The following UBXN2B variants were observed in gnomAD, a reference collection of about 807,000 sequenced individuals.
The protein encoded by UBXN2B is UBX domain protein 2B, also known as UBX domain-containing protein 2B.
Under a neutral mutation model 37.5 loss-of-function variants are expected in UBXN2B, and 19 were observed. The observed-to-expected ratio is 0.51, with a 90% CI of 0.35 to 0.74. The LOEUF (loss-of-function observed/expected upper bound fraction) is 0.74. Ranked by LOEUF, UBXN2B falls within the 30% of genes least tolerant of loss-of-function variation. The pLI is 0.01. For synonymous variants in UBXN2B, 145 were observed against 143.8 expected, an observed-to-expected ratio of 1.01 and a Z score of -0.06; for missense variants, 370 against 393.2, an observed-to-expected ratio of 0.94 and a Z score of 0.50.
intron 1 of UBXN2B, among the ~76,000 whole-genome samples, chr8:58,415,600 T>C (rs1476237924): frequency 6.6e-6 from 1 of 152,090 alleles, no homozygotes; most frequent in Non-Finnish European, 1.5e-5. Flanking sequence ...CTTCTAGTGA[T>C]GGAACACATG....
chr8:58,447,302 T>C (rs1290120673), intron 7 of UBXN2B, 87 bp from the exon 8 acceptor site: 2 of 1,262,020 alleles, frequency 1.6e-6, no homozygotes, highest in African/African-American at 3.0e-5. Context: ...AGATTAAAAT[T>C]TTGTGATTTT....
chr8:58,447,306 T>C (rs2129604740), intron 7 of UBXN2B, 83 bp from the exon 8 acceptor site: 1 of 1,303,748 alleles, frequency 7.7e-7, no homozygotes, highest in East Asian at 2.5e-5. Context: ...TAAAATTTTG[T>C]GATTTTTATT....
intron 5 of UBXN2B, 39 bp from the exon 6 acceptor site, chr8:58,439,594 G>A: frequency 6.3e-7 from 1 of 1,580,150 alleles, no homozygotes; most frequent in East Asian, 2.2e-5. Context: ...TTAATTCTTG[G>A]AAAACTTAAT....
At chr8:58,424,691 G>T (rs932474847) in intron 2 of UBXN2B, 223 of 1,326,836 alleles carry the variant, frequency 1.7e-4, no homozygotes, top group East Asian at 8.6e-4. Flanking sequence ...ACAAGGCGGG[G>T]GGGGGGGCTC....
intron 3 of UBXN2B, among the ~76,000 whole-genome samples, chr8:58,432,371 A>ATTTT (rs1585609802): frequency 1.2e-5 from 1 of 81,530 alleles, no homozygotes; most frequent in Admixed American, 1.5e-4. Flanking sequence ...ACCTTTCTAA[A>ATTTT]TTTCTTTTTT....
At chr8:58,417,054 A>G (rs1014626857) in intron 2 of UBXN2B, 101 bp downstream of exon 2, 2 of 931,668 alleles carry the variant, frequency 2.1e-6, no homozygotes, top group African/African-American at 1.7e-5. Context: ...GGTTTCTTCA[A>G]TAATTTTTAA....
intron 2 of UBXN2B, among the ~76,000 whole-genome samples, chr8:58,428,390 GAAAT>G (rs1263725881): frequency 2.6e-5 from 4 of 152,146 alleles, no homozygotes; most frequent in Non-Finnish European, 4.4e-5. Flanking sequence ...ATACAAATTG[GAAAT>G]AAATAAAGCT....
At chr8:58,445,811 A>C (rs1808652399) in intron 6 of UBXN2B, 96 bp from the exon 7 acceptor site, 1 of 1,067,530 alleles carries the variant, frequency 9.4e-7, no homozygotes, top group Non-Finnish European at 1.3e-6. Context: ...GAAGTATAGG[A>C]GACTCAAATG....
Position 58,430,563 on chromosome 8 carries a change from G to A in UBXN2B, c.233G>A (p.Arg78Gln), listed in dbSNP as rs755100410. The A allele has an allele frequency of 2.1e-5, 33 of 1,604,336 alleles. No individual in the cohort carries two copies. Among genetic ancestry groups the A allele is most frequent in the Middle Eastern group, 1.7e-4 (1 of 6,028 alleles). Residue 78 changes from arginine to glutamine, a missense_variant, in exon 3 of 8, where the codon CGA becomes CAA. By Grantham distance (43) the Arg-to-Gln change is conservative. This residue lies in a region of UBXN2B where 197 missense variants were observed against 170.2 expected (regional missense o/e 1.16). Transcript: ENST00000399598. ...EHEYSGLNIV[R>Q]PSTGKIVNEL... ...GAATACAGTGGATTAAATATAGTTCGACCTTCAACTGGGAAAATTGTGAAT... is the reference window on the plus strand; with the variant it reads ...GAATACAGTGGATTAAATATAGTTCAACCTTCAACTGGGAAAATTGTGAAT...
chr8:58,429,975 A>T lies in UBXN2B; in HGVS notation c.189-544A>T, dbSNP rs141981219. On this transcript the variant is annotated intron_variant, in intron 2 of 7. Transcript: ENST00000399598. Reference sequence around the variant, plus strand: ...TGGTCGCCAAAAAATTACTGTCTAAATTATTTACTTTTAACAAACGCAGGG... The same window carrying T: ...TGGTCGCCAAAAAATTACTGTCTAATTTATTTACTTTTAACAAACGCAGGG... Among the ~76,000 whole-genome samples, 1,483 of 152,328 alleles carry T rather than the reference A, an allele frequency of 9.7e-3. 12 individuals are homozygous for T. Among genetic ancestry groups the T allele is most frequent in the Middle Eastern group, 0.02 (6 of 294 alleles).
intron 4 of UBXN2B, 63 bp downstream of exon 4, chr8:58,433,306 T>C: frequency 7.3e-7 from 1 of 1,364,102 alleles, no homozygotes; most frequent in East Asian, 2.3e-5. Flanking sequence ...AAACTGTTGG[T>C]TTTAAAATTA....
At chr8:58,442,645 G>C (rs918963992) in intron 6 of UBXN2B, among the ~76,000 whole-genome samples, 1 of 152,158 alleles carries the variant, frequency 6.6e-6, no homozygotes, top group Non-Finnish European at 1.5e-5. Context: ...GCAAACCATA[G>C]ATATAAAACT....
At chr8:58,417,415 C>T (rs1585594137) in intron 2 of UBXN2B, among the ~76,000 whole-genome samples, 1 of 152,250 alleles carries the variant, frequency 6.6e-6, no homozygotes, top group African/African-American at 2.4e-5. Context: ...GGTCTTTTGT[C>T]CTCCATTTAA....
chr8:58,434,585 A>T, intron 5 of UBXN2B, 81 bp downstream of exon 5: 1 of 1,083,442 alleles, frequency 9.2e-7, no homozygotes, highest in Non-Finnish European at 1.3e-6. Flanking sequence ...TTAGTGCACT[A>T]CGGGTTTTCA....
chr8:58,443,993 A>T (rs942795642), intron 6 of UBXN2B, among the ~76,000 whole-genome samples: 1 of 152,218 alleles, frequency 6.6e-6, no homozygotes, highest in Admixed American at 6.5e-5. Context: ...AAGTCCATCC[A>T]TTCCAGTTCT....
chr8:58,434,374 T>A (rs752074547), intron 4 of UBXN2B, 21 bp from the exon 5 acceptor site: 365 of 896,948 alleles, frequency 4.1e-4, no homozygotes, highest in African/African-American at 1.1e-3. Flanking sequence ...TATATATTTT[T>A]TTTTTTTCTA....
At chr8:58,438,359 G>A (rs1808466284) in intron 5 of UBXN2B, among the ~76,000 whole-genome samples, 3 of 152,172 alleles carry the variant, frequency 2.0e-5, no homozygotes, top group African/African-American at 4.8e-5. Flanking sequence ...GAATGGTGGC[G>A]CCACCAGCAA....
At chr8:58,420,561 G>A (rs1342487344) in intron 2 of UBXN2B, among the ~76,000 whole-genome samples, 1 of 152,058 alleles carries the variant, frequency 6.6e-6, no homozygotes, top group Non-Finnish European at 1.5e-5. Flanking sequence ...TTCATATACT[G>A]CAGGAAAATT....
chr8:58,432,243 G>A (rs1808297448), intron 3 of UBXN2B, among the ~76,000 whole-genome samples: 1 of 151,890 alleles, frequency 6.6e-6, no homozygotes, highest in South Asian at 2.1e-4. Flanking sequence ...TGATCTATTT[G>A]AATTTTTTAT....
Sources: gnomAD v4.1 joint callset for allele counts (sites outside exome capture counted in the v4.1 genomes callset) on GRCh38, gnomAD v4.1.1 for gene constraint, gnomAD v4.1.1 regional missense constraint, MANE v1.5 for transcripts, NCBI Gene and HGNC (gene_info 2026-07-23, HGNC 2026-07-21) for gene names.